The following LIN7A variants were observed in gnomAD, a reference collection of about 807,000 sequenced individuals.
LIN7A encodes protein lin-7 homolog A.
Under a neutral mutation model 29.8 loss-of-function variants are expected in LIN7A, and 25 were observed. The observed-to-expected ratio is 0.84, with a 90% CI of 0.61 to 1.17. The LOEUF is 1.17. Ranked by LOEUF, LIN7A falls within the 50% of genes most tolerant of loss-of-function variation. The pLI, the probability that LIN7A is intolerant of heterozygous loss-of-function variation, is 0.00. For missense variants in LIN7A, 239 were observed against 287.0 expected (o/e 0.83, Z 1.21); for synonymous variants, 118 against 107.5 (o/e 1.10, Z -0.60).
intron 5 of LIN7A, among the ~76,000 whole-genome samples, chr12:80,804,370 C>A (rs976425401): frequency 6.6e-6 from 1 of 151,936 alleles, no homozygotes; most frequent in Non-Finnish European, 1.5e-5. Flanking sequence ...CCCCACTCCT[C>A]CACTATCCTT....
At chr12:80,902,399 A>C (rs1370153848) in intron 1 of LIN7A, among the ~76,000 whole-genome samples, 1 of 152,130 alleles carries the variant, frequency 6.6e-6, no homozygotes, top group East Asian at 1.9e-4. Context: ...AATTCTGTGA[A>C]GAACGTCATT....
chr12:80,843,856 C>A (rs1485067118), intron 4 of LIN7A, among the ~76,000 whole-genome samples: 4 of 151,956 alleles, frequency 2.6e-5, no homozygotes, highest in Non-Finnish European at 4.4e-5. Flanking sequence ...AACATCATTG[C>A]AAGGAATGGG....
At chr12:80,801,321 A>G (rs1870710121) in intron 5 of LIN7A, among the ~76,000 whole-genome samples, 1 of 152,156 alleles carries the variant, frequency 6.6e-6, no homozygotes, top group Non-Finnish European at 1.5e-5. Flanking sequence ...GGGACAGAAA[A>G]CAGCGTTGTG....
intron 4 of LIN7A, among the ~76,000 whole-genome samples, chr12:80,813,296 C>A (rs1201897371): frequency 6.6e-5 from 10 of 152,172 alleles, no homozygotes; most frequent in Non-Finnish European, 1.5e-4. Context: ...CAGGCGTAAG[C>A]CACCGTGCCT....
chr12:80,906,653 C>A (rs1405117055), intron 1 of LIN7A, among the ~76,000 whole-genome samples: 2 of 151,992 alleles, frequency 1.3e-5, no homozygotes, highest in Non-Finnish European at 2.9e-5. Flanking sequence ...GAACATTAGA[C>A]ACCATGGCCT....
At chr12:80,801,892 TCTAA>T (rs1314947036) in intron 5 of LIN7A, among the ~76,000 whole-genome samples, 1 of 147,856 alleles carries the variant, frequency 6.8e-6, no homozygotes, top group Non-Finnish European at 1.5e-5. Context: ...CTTCTATGAG[TCTAA>T]CTTTTTTTTT....
At chr12:80,906,944 C>T (rs1311653633) in intron 1 of LIN7A, among the ~76,000 whole-genome samples, 1 of 152,044 alleles carries the variant, frequency 6.6e-6, no homozygotes, top group Non-Finnish European at 1.5e-5. Flanking sequence ...TTCCTGGCTC[C>T]AATCTCAATT....
chr12:80,825,739 A>ATT (rs60715514), intron 4 of LIN7A, among the ~76,000 whole-genome samples: 301 of 149,568 alleles, frequency 2.0e-3, no homozygotes, highest in African/African-American at 6.7e-3. Flanking sequence ...ATCAGAATAG[A>ATT]TTTTTTTTTT....
chr12:80,816,465 A>G (rs1023874537), intron 4 of LIN7A, among the ~76,000 whole-genome samples: 2 of 148,010 alleles, frequency 1.4e-5, no homozygotes, highest in South Asian at 2.1e-4. Flanking sequence ...TATATACATT[A>G]GTTATTATAT....
At chr12:80,830,959 C>T (rs749596025) in intron 4 of LIN7A, among the ~76,000 whole-genome samples, 6 of 152,262 alleles carry the variant, frequency 3.9e-5, no homozygotes, top group East Asian at 1.9e-4. Context: ...AGCCTCCTTA[C>T]GCTGTACTGA....
chr12:80,827,183 T>G (rs1592867479), intron 4 of LIN7A, among the ~76,000 whole-genome samples: 1 of 152,052 alleles, frequency 6.6e-6, no homozygotes, highest in African/African-American at 2.4e-5. Context: ...GTCAGGAGAT[T>G]GAGACCATCC....
At chr12:80,845,668 G>T in intron 4 of LIN7A, 62 bp downstream of exon 4, 2 of 1,358,598 alleles carry the variant, frequency 1.5e-6, no homozygotes, top group Non-Finnish European at 1.0e-6. Context: ...TTCAGTAATA[G>T]CAGGGGGCAA....
rs565876946 is a variant in LIN7A, at chr12:80,858,097, T to C, written c.202-9775A>G. On this transcript the variant is annotated intron_variant, in intron 2 of 5. Transcript: ENST00000552864. Reference sequence around the variant, plus strand: ...TAATATAGCACAGTCTTCAAAAGTGTCTACCAATTTTCAAATGTCCAGAAG... The same window carrying C: ...TAATATAGCACAGTCTTCAAAAGTGCCTACCAATTTTCAAATGTCCAGAAG... 2.0e-5 allele frequency among the ~76,000 whole-genome samples: 3 copies of C among 152,248 alleles called. No homozygotes were observed. The East Asian group carries it at 5.8e-4, about 29-fold the overall frequency.
intron 2 of LIN7A, among the ~76,000 whole-genome samples, chr12:80,866,889 G>C (rs1423028993): frequency 6.6e-6 from 1 of 152,140 alleles, no homozygotes; most frequent in Non-Finnish European, 1.5e-5. Context: ...GGCTGCCGTA[G>C]TTCCAAAAAT....
chr12:80,906,155 G>T (rs1876464822), intron 1 of LIN7A, among the ~76,000 whole-genome samples: 1 of 152,144 alleles, frequency 6.6e-6, no homozygotes, highest in African/African-American at 2.4e-5. Context: ...CTAGGGCTAG[G>T]TGTGCAGGTG....
intron 4 of LIN7A, among the ~76,000 whole-genome samples, chr12:80,836,304 G>A (rs993155575): frequency 1.3e-5 from 2 of 152,142 alleles, no homozygotes; most frequent in Non-Finnish European, 2.9e-5. Context: ...TATGATAACA[G>A]ACTCTTCTCC....
chr12:80,845,974 T>C, intron 3 of LIN7A, 35 bp from the exon 4 acceptor site: 1 of 1,550,746 alleles, frequency 6.4e-7, no homozygotes, highest in South Asian at 1.2e-5. Flanking sequence ...CTTTTGGTAA[T>C]AAAATGAGGG....
At chr12:80,806,534 A>G (rs1400228041) in intron 5 of LIN7A, among the ~76,000 whole-genome samples, 1 of 152,228 alleles carries the variant, frequency 6.6e-6, no homozygotes. Flanking sequence ...TCAGATAAAA[A>G]AACATATTAT....
chr12:80,796,980 T>G lies in LIN7A; in HGVS notation c.*747A>C, dbSNP rs1469297506. ...CTCTGATAATATATATTTTATAGAA[T>G]AAATATACATTATACTCTGTTGGAA... On this transcript the variant is annotated 3_prime_UTR_variant, in exon 6 of 6. Coordinates refer to ENST00000552864, the MANE Select transcript of LIN7A (RefSeq NM_004664.4). The G allele has an allele frequency of 6.6e-6, 1 of 152,084 alleles. No homozygotes were observed. The highest frequency in any genetic ancestry group is 2.4e-5 in the African/African-American group (1 of 41,426). The allele number at this position is 152,084 out of a possible 1,614,324, so 9.4% of individuals were successfully genotyped here.
Sources: gnomAD v4.1 joint callset for allele counts (sites outside exome capture counted in the v4.1 genomes callset) on GRCh38, gnomAD v4.1.1 for gene constraint, MANE v1.5 for transcripts, NCBI Gene and HGNC (gene_info 2026-07-23, HGNC 2026-07-21) for gene names.